TENM3: variants seen among roughly 807,000 people sequenced by gnomAD.
TENM3 encodes teneurin-3.
TENM3 carries 63 observed loss-of-function variants against 255.1 expected under a neutral mutation model. The observed-to-expected ratio is 0.25, with a 90% CI of 0.20 to 0.30. TENM3 has a LOEUF of 0.30. Among genes scored for constraint, TENM3 ranks in the 10% least tolerant of loss-of-function variants. The pLI is 1.00. For synonymous variants in TENM3, 1,306 were observed against 1,322.3 expected (o/e 0.99, Z 0.27); for missense variants, 2,929 against 3,461.1 (o/e 0.85, Z 3.86).
chr4:182,396,193 C>A (rs759454516), intron 3 of TENM3, among the ~76,000 whole-genome samples: 4 of 152,174 alleles, frequency 2.6e-5, no homozygotes, highest in Non-Finnish European at 5.9e-5. Context: ...TATTCTGTTG[C>A]CTTCATCGCC....
At chr4:181,673,288 T>G in the TENM3 span, among the ~76,000 whole-genome samples, 1 of 152,180 alleles carries the variant, frequency 6.6e-6, no homozygotes, top group Admixed American at 6.5e-5. Flanking sequence ...GTTTCTATAA[T>G]TTCTACCATG....
chr4:181,854,476 G>C, the TENM3 span, among the ~76,000 whole-genome samples: 1 of 151,862 alleles, frequency 6.6e-6, no homozygotes, highest in Non-Finnish European at 1.5e-5. Context: ...CCTAGACACA[G>C]AGTTTCCCAT....
chr4:182,257,068 T>C (rs550503494), intron 1 of TENM3, among the ~76,000 whole-genome samples: 29 of 152,290 alleles, frequency 1.9e-4, no homozygotes, highest in African/African-American at 6.7e-4. Flanking sequence ...GGTTATTATA[T>C]TTGGCAGCAG....
chr4:182,120,174 T>C, the TENM3 span, among the ~76,000 whole-genome samples: 1 of 152,136 alleles, frequency 6.6e-6, no homozygotes, highest in Admixed American at 6.6e-5. Flanking sequence ...GTTCAGGCAC[T>C]GAACCTTTCT....
intron 3 of TENM3, among the ~76,000 whole-genome samples, chr4:182,471,043 C>T (rs1733075770): frequency 1.3e-5 from 2 of 152,200 alleles, no homozygotes; most frequent in South Asian, 4.1e-4. Context: ...ATTTTATTTG[C>T]ATTTGTTTTT....
chr4:182,671,838 AT>A (rs1224363464), intron 6 of TENM3, among the ~76,000 whole-genome samples: 6 of 152,144 alleles, frequency 3.9e-5, no homozygotes, highest in Non-Finnish European at 5.9e-5. Flanking sequence ...TAACAGTTTA[AT>A]ATTTTTTTTA....
intron 3 of TENM3, among the ~76,000 whole-genome samples, chr4:182,499,873 A>G (rs1385739057): frequency 6.6e-6 from 1 of 152,208 alleles, no homozygotes; most frequent in Non-Finnish European, 1.5e-5. Flanking sequence ...ACAGACTATA[A>G]TAATGCTGTA....
At chr4:182,371,226 C>T (rs1766783212) in intron 3 of TENM3, among the ~76,000 whole-genome samples, 1 of 96,356 alleles carries the variant, frequency 1.0e-5, no homozygotes, top group Admixed American at 1.4e-4. Flanking sequence ...ATTCTCCTCC[C>T]CATCACACAC....
chr4:181,761,586 A>G, the TENM3 span, among the ~76,000 whole-genome samples: 1 of 152,236 alleles, frequency 6.6e-6, no homozygotes, highest in East Asian at 1.9e-4. Context: ...ATCTAAAAAT[A>G]GATCTATAAT....
chr4:181,804,741 G>A, the TENM3 span, among the ~76,000 whole-genome samples: 1 of 152,140 alleles, frequency 6.6e-6, no homozygotes. Flanking sequence ...CTGGTGTGGT[G>A]GCAGGCACCT....
intron 3 of TENM3, among the ~76,000 whole-genome samples, chr4:182,569,363 T>A (rs1260790154): frequency 1.3e-5 from 2 of 152,016 alleles, no homozygotes; most frequent in Non-Finnish European, 2.9e-5. Context: ...GACACCAGCC[T>A]GGCCAACGTG....
At chr4:182,395,794 T>C (rs1012638284) in intron 3 of TENM3, among the ~76,000 whole-genome samples, 9 of 152,222 alleles carry the variant, frequency 5.9e-5, no homozygotes, top group African/African-American at 2.2e-4. Context: ...GGCTGAATGG[T>C]CTGAAATGCC....
chr4:182,034,755 G>C, the TENM3 span, among the ~76,000 whole-genome samples: 13 of 152,194 alleles, frequency 8.5e-5, no homozygotes, highest in Admixed American at 3.9e-4. Context: ...AAGGTCCACT[G>C]TTAGTCTAAT....
chr4:181,925,032 G>A, the TENM3 span, among the ~76,000 whole-genome samples: 3 of 152,198 alleles, frequency 2.0e-5, no homozygotes, highest in Non-Finnish European at 1.5e-5. Flanking sequence ...GTGTGACAGA[G>A]CGTCTTCTAT....
chr4:182,364,212 TA>T (rs1456127362), intron 3 of TENM3, among the ~76,000 whole-genome samples: 3 of 152,044 alleles, frequency 2.0e-5, no homozygotes, highest in African/African-American at 7.2e-5. Context: ...AACTTAAGAA[TA>T]AATCATTTGA....
At chr4:181,955,792 T>C in the TENM3 span, among the ~76,000 whole-genome samples, 1 of 152,192 alleles carries the variant, frequency 6.6e-6, no homozygotes, top group African/African-American at 2.4e-5. Flanking sequence ...CACTGCTAGA[T>C]AATTAACTAT....
the TENM3 span, among the ~76,000 whole-genome samples, chr4:181,557,358 T>A: frequency 6.6e-6 from 1 of 152,192 alleles, no homozygotes; most frequent in African/African-American, 2.4e-5. Flanking sequence ...GCGTTATATA[T>A]GCAGCCCCAT....
At chr4:181,601,595 T>A in the TENM3 span, among the ~76,000 whole-genome samples, 3 of 152,216 alleles carry the variant, frequency 2.0e-5, no homozygotes, top group African/African-American at 7.2e-5. Context: ...TGGAAAACAC[T>A]TTACTCATAA....
intron 1 of TENM3, among the ~76,000 whole-genome samples, chr4:182,176,071 TAGTG>T (rs1752469468): frequency 1.3e-5 from 2 of 152,218 alleles, no homozygotes; most frequent in African/African-American, 4.8e-5. Flanking sequence ...ATGATTTCGT[TAGTG>T]AGTTAGGTCT....
Sources: allele counts gnomAD v4.1 joint callset (sites outside exome capture counted in the v4.1 genomes callset), GRCh38; gene constraint gnomAD v4.1.1; transcripts MANE v1.5; gene names NCBI Gene and HGNC (gene_info 2026-07-23, HGNC 2026-07-21).